Variants in RAPGEF6 observed in about 807,000 individuals in gnomAD.
The protein encoded by RAPGEF6 is PDZ domain containing guanine nucleotide exchange factor (GEF) 2.
A neutral mutation model predicts 171.4 loss-of-function variants in RAPGEF6; 56 were observed. The ratio of observed to expected loss-of-function variants is 0.33; its 90% CI spans 0.26 to 0.41. The LOEUF (loss-of-function observed/expected upper bound fraction) is 0.41, where lower values mean the gene tolerates loss of function less well. Among genes scored for constraint, RAPGEF6 ranks in the 10% least tolerant of loss-of-function variants. The pLI is 1.00. For missense variants in RAPGEF6, 1,674 were observed against 1,921.4 expected (o/e 0.87, Z 2.41); for synonymous variants, 692 against 650.1 (o/e 1.06, Z -0.98).
rs78825238 is a variant in RAPGEF6 at position 131,470,529 on chromosome 5, C to G, written c.2239+2058G>C. Among the ~76,000 whole-genome samples the G allele has an allele frequency of 3.6e-3, 550 of 152,336 alleles. 4 individuals are homozygous for G. Among genetic ancestry groups the G allele is most frequent in the African/African-American group, 0.013 (524 of 41,572 alleles). On this transcript the variant is annotated intron_variant, in intron 17 of 27. Transcript: ENST00000509018. ...CCTACATATACCTATGGCAAACATA[C>G]AGCCATATAAATTATTAAAACTACA...
Position 131,442,484 on chromosome 5 carries a change from C to A in RAPGEF6, c.3475G>T (p.Val1159Leu). Reference protein sequence around the residue: ...RSAKSSEMSPVPMRSAGQTTK... With the variant: ...RSAKSSEMSPLPMRSAGQTTK... ...GTTTGGCCAGCTGACCTCATAGGCA[C>A]TGGAGACATTTCAGATGATTTGGCT... The change falls in exon 23 of 28, where the codon GTG becomes TTG. Residue 1159 changes from valine (V) to leucine (L), a missense_variant. By Grantham distance (32) the Val-to-Leu change is conservative. Coordinates refer to ENST00000509018, the MANE Select transcript of RAPGEF6 (RefSeq NM_016340.6). 6.2e-7 allele frequency: 1 copy of A among 1,614,148 alleles called. No individual in the cohort carries two copies. The highest frequency in any genetic ancestry group is 8.5e-7 in the Non-Finnish European group (1 of 1,180,018).
At chr5:131,463,949 A>G in intron 18 of RAPGEF6, 92 bp downstream of exon 18, 2 of 1,489,848 alleles carry the variant, frequency 1.3e-6, no homozygotes, top group East Asian at 2.3e-5. Context: ...GCACTAAAAC[A>G]TGATAATGTT....
intron 15 of RAPGEF6, among the ~76,000 whole-genome samples, chr5:131,485,104 T>G (rs1357611774): frequency 1.3e-5 from 2 of 152,008 alleles, no homozygotes; most frequent in African/African-American, 4.8e-5. Context: ...ATTTTAGTGT[T>G]TTGTAGAGAC....
chr5:131,500,966 A>G (rs942236567), intron 11 of RAPGEF6, among the ~76,000 whole-genome samples: 29 of 152,226 alleles, frequency 1.9e-4, no homozygotes, highest in African/African-American at 7.0e-4. Context: ...GTAAACAGAA[A>G]GTCAAGGCCA....
intron 1 of RAPGEF6, among the ~76,000 whole-genome samples, chr5:131,617,878 C>T (rs78171658): frequency 0.036 from 5,429 of 152,182 alleles, 118 homozygotes; most frequent in East Asian, 0.11. Flanking sequence ...AAAGTTAATA[C>T]CATATATTAA....
At chr5:131,507,180 A>T (rs1196725005) in intron 9 of RAPGEF6, among the ~76,000 whole-genome samples, 1 of 55,920 alleles carries the variant, frequency 1.8e-5, no homozygotes, top group East Asian at 2.6e-4. Flanking sequence ...ATTATATATT[A>T]TATATATAGT....
chr5:131,601,515 CAATTA>C (rs937594700), intron 3 of RAPGEF6, among the ~76,000 whole-genome samples: 2 of 151,976 alleles, frequency 1.3e-5, no homozygotes, highest in African/African-American at 4.8e-5. Context: ...AAAGACAACC[CAATTA>C]ATAAAAGAAG....
intron 6 of RAPGEF6, among the ~76,000 whole-genome samples, chr5:131,541,739 C>T (rs1266970754): frequency 2.0e-5 from 3 of 152,172 alleles, no homozygotes; most frequent in Non-Finnish European, 4.4e-5. Flanking sequence ...AAAACTAATA[C>T]ATGTGTTACT....
At chr5:131,592,520 T>C in intron 3 of RAPGEF6, 54 bp from the exon 4 acceptor site, 1 of 1,568,052 alleles carries the variant, frequency 6.4e-7, no homozygotes, top group Non-Finnish European at 8.7e-7. Context: ...TGTTCATATG[T>C]ATATGAATTC....
chr5:131,453,762 T>G (rs1052196845), intron 20 of RAPGEF6, among the ~76,000 whole-genome samples: 1 of 152,142 alleles, frequency 6.6e-6, no homozygotes, highest in Non-Finnish European at 1.5e-5. Flanking sequence ...CTGAGGAACA[T>G]ACGGTAAACA....
intron 22 of RAPGEF6, among the ~76,000 whole-genome samples, chr5:131,443,241 C>T (rs1443091416): frequency 6.6e-6 from 1 of 152,002 alleles, no homozygotes; most frequent in Non-Finnish European, 1.5e-5. Flanking sequence ...CTGCGCCTGG[C>T]CTATTTTTGT....
At chr5:131,618,915 C>G (rs1765434981) in intron 1 of RAPGEF6, among the ~76,000 whole-genome samples, 1 of 151,930 alleles carries the variant, frequency 6.6e-6, no homozygotes, top group African/African-American at 2.4e-5. Flanking sequence ...CAGACCACCA[C>G]CTATGCAGTT....
chr5:131,594,911 A>AACTG (rs146791721), intron 3 of RAPGEF6, among the ~76,000 whole-genome samples: 1 of 151,342 alleles, frequency 6.6e-6, no homozygotes, highest in Non-Finnish European at 1.5e-5. Context: ...TTTTGGAAGT[A>AACTG]ACTTGTTTTT....
intron 1 of RAPGEF6, among the ~76,000 whole-genome samples, chr5:131,615,675 G>A (rs1339255703): frequency 3.3e-5 from 5 of 152,066 alleles, no homozygotes; most frequent in East Asian, 1.9e-4. Context: ...CAGAGTGGGC[G>A]GATTACTTGA....
chr5:131,454,306 A>G (rs755371399), intron 20 of RAPGEF6, among the ~76,000 whole-genome samples: 1 of 152,244 alleles, frequency 6.6e-6, no homozygotes, highest in Admixed American at 6.5e-5. Context: ...TGCCAGAAGC[A>G]AACTTTAATC....
chr5:131,462,244 GA>G (rs1753985761), intron 18 of RAPGEF6, among the ~76,000 whole-genome samples, 156 bp from the exon 19 acceptor site: 1 of 152,234 alleles, frequency 6.6e-6, no homozygotes, highest in East Asian at 1.9e-4. Context: ...CATTTTAAAT[GA>G]AAAGATTTTT....
At chr5:131,509,542 C>CAAAAAAAAAAAAAAAAAAA (rs59175698) in intron 8 of RAPGEF6, among the ~76,000 whole-genome samples, 1 of 136,890 alleles carries the variant, frequency 7.3e-6, no homozygotes, top group African/African-American at 2.6e-5. Context: ...GACACCGTCT[C>CAAAAAAAAAAAAAAAAAAA]AAAAAAAAAA....
intron 26 of RAPGEF6, among the ~76,000 whole-genome samples, chr5:131,429,740 G>A (rs976987196): frequency 6.6e-6 from 1 of 152,102 alleles, no homozygotes; most frequent in Non-Finnish European, 1.5e-5. Flanking sequence ...TGCTGGTACG[G>A]AGGAACTAAT....
At chr5:131,585,335 T>TAC (rs775742717) in intron 4 of RAPGEF6, among the ~76,000 whole-genome samples, 12 of 149,654 alleles carry the variant, frequency 8.0e-5, no homozygotes, top group South Asian at 6.3e-4. Flanking sequence ...CATACATACA[T>TAC]ATATATCTCC....
Sources: gnomAD v4.1 joint callset for allele counts (sites outside exome capture counted in the v4.1 genomes callset) on GRCh38, gnomAD v4.1.1 for gene constraint, MANE v1.5 for transcripts, NCBI Gene and HGNC (gene_info 2026-07-23, HGNC 2026-07-21) for gene names.